Variants in LRRK2 observed in about 807,000 individuals in gnomAD.
LRRK2 encodes the protein leucine rich repeat kinase 2.
In LRRK2, 203 loss-of-function variants were observed where a neutral mutation model predicts 302.6. The observed-to-expected ratio is 0.67, with a 90% confidence interval of 0.60 to 0.75. The LOEUF (loss-of-function observed/expected upper bound fraction) is 0.75, where lower values mean the gene tolerates loss of function less well. Among genes scored for constraint, LRRK2 ranks in the 30% least tolerant of loss-of-function variants. The pLI is 0.00. For missense variants in LRRK2, 2,830 were observed against 2,951.0 expected (o/e 0.96, Z 0.95); for synonymous variants, 1,066 against 1,031.9 (o/e 1.03, Z -0.63).
chr12:40,321,246 A>C lies in LRRK2; in HGVS notation c.5170+58A>C, dbSNP rs1945392138. The C allele has an allele frequency of 2.7e-6, 4 of 1,507,986 alleles. No homozygotes were observed. The East Asian group carries it at 9.2e-5, about 35-fold the overall frequency. The allele number at this position is 1,507,986 out of a possible 1,614,324, so 93.4% of individuals were successfully genotyped here. On this transcript the variant is annotated intron_variant, in intron 35 of 50. Coordinates refer to ENST00000298910, the MANE Select transcript of LRRK2 (RefSeq NM_198578.4). ...AGAGACTATTAATTTAGACTTATTA[A>C]TTTTTAGAGAAATTAGGGAGATGGC...
intron 14 of LRRK2, among the ~76,000 whole-genome samples, chr12:40,273,229 G>A (rs1363016101): frequency 1.3e-5 from 2 of 152,104 alleles, no homozygotes; most frequent in Admixed American, 1.3e-4. Flanking sequence ...GTCTAACTGA[G>A]TAATTGTTAC....
intron 3 of LRRK2, among the ~76,000 whole-genome samples, chr12:40,234,432 G>A (rs1218166063): frequency 7.9e-6 from 1 of 127,278 alleles, no homozygotes; most frequent in Non-Finnish European, 1.6e-5. Flanking sequence ...AGGCTGGCGT[G>A]CAGTGGCGTG....
At position 40,351,676 on chromosome 12, in the gene LRRK2, C is replaced by G; in HGVS notation, c.6519C>G (p.His2173Gln). Residue 2173 changes from histidine (H) to glutamine (Q), a missense_variant, in exon 44 of 51, where the codon CAC becomes CAG. By Grantham distance (24) the His-to-Gln change is conservative (BLOSUM62 0). Around this residue, in one of 3 missense-constraint regions of LRRK2, gnomAD observed 456 missense variants for 456.3 expected, o/e 1.00. Coordinates refer to ENST00000298910, the MANE Select transcript of LRRK2 (RefSeq NM_198578.4). ...RNASIWLGCG[H>Q]TDRGQLSFLD... ...CAAGCATTTGGCTGGGCTGTGGGCA[C>G]ACCGACAGAGGACAGCTCTCATTTC... 1.2e-6 allele frequency: 2 copies of G among 1,614,174 alleles called. No homozygotes were observed. The highest frequency in any genetic ancestry group is 1.7e-6 in the Non-Finnish European group (2 of 1,180,036).
chr12:40,289,509 A>G (rs1257703571), intron 20 of LRRK2, among the ~76,000 whole-genome samples: 1 of 149,244 alleles, frequency 6.7e-6, no homozygotes, highest in African/African-American at 2.4e-5. Flanking sequence ...ATTACCTATG[A>G]TTTTAATGTA....
At chr12:40,361,335 C>G (rs1348406013) in intron 47 of LRRK2, among the ~76,000 whole-genome samples, 1 of 151,948 alleles carries the variant, frequency 6.6e-6, no homozygotes, top group African/African-American at 2.4e-5. Context: ...GTAAAAATGT[C>G]TTTTATTATT....
At chr12:40,302,624 T>C (rs561757460) in intron 25 of LRRK2, among the ~76,000 whole-genome samples, 165 bp from the exon 26 acceptor site, 6 of 152,284 alleles carry the variant, frequency 3.9e-5, no homozygotes, top group Admixed American at 3.3e-4. Flanking sequence ...TTAGTGGAAG[T>C]ATTAAGGCTA....
intron 2 of LRRK2, among the ~76,000 whole-genome samples, chr12:40,231,929 G>A (rs1383410446): frequency 6.6e-6 from 1 of 151,480 alleles, no homozygotes; most frequent in East Asian, 1.9e-4. Context: ...TCAGCCTCCC[G>A]AGTAGCTGAG....
In LRRK2 at chr12:40,363,672, GA is replaced by G. The variant is rs978892578; in HGVS notation, c.7181+125del. 2.6e-5 allele frequency: 30 copies of G among 1,173,978 alleles called. No homozygotes were observed. In the African/African-American group the frequency reaches 4.2e-4, roughly 16 times the overall value. The allele number at this position is 1,173,978 out of a possible 1,614,324, so 72.7% of individuals were successfully genotyped here. Reference sequence around the variant, plus strand: ...GAATAGAGAATTTTTTTAAAATGCAGAAAAAAATTTGTAATGCTTCTCAGCA... The same window carrying G: ...GAATAGAGAATTTTTTTAAAATGCAGAAAAAATTTGTAATGCTTCTCAGCA... On this transcript the variant is annotated intron_variant, in intron 48 of 50. Transcript: ENST00000298910.
In LRRK2 at chr12:40,354,315, G is replaced by A; in HGVS notation, c.6593G>A (p.Arg2198Lys). Residue 2198 changes from arginine (R) to lysine (K), a missense_variant, in exon 45 of 51, where the codon AGA becomes AAA. Transcript: ENST00000298910. ...GYTSEEVADS[R>K]ILCLALVHLP... ...TCTTAACAGGAAGTTGCTGATAGTA[G>A]AATATTGTGCTTAGCCTTGGTGCAT... is the stretch of plus-strand genomic sequence containing the variant. The A allele has an allele frequency of 1.9e-6, 3 of 1,614,050 alleles. No individual in the cohort carries two copies. The highest frequency in any genetic ancestry group is 1.7e-6 in the Non-Finnish European group (2 of 1,179,960).
intron 20 of LRRK2, 147 bp from the exon 21 acceptor site, chr12:40,293,398 T>C: frequency 3.5e-6 from 2 of 573,484 alleles, no homozygotes; most frequent in East Asian, 3.1e-5. Flanking sequence ...ATCTCTATTT[T>C]AAAGATTTTA....
chr12:40,351,534 C>G lies in LRRK2; in HGVS notation c.6382-5C>G, dbSNP rs780418597. 6.2e-7 allele frequency: 1 copy of G among 1,613,906 alleles called. No homozygotes were observed. The highest frequency in any genetic ancestry group is 8.5e-7 in the Non-Finnish European group (1 of 1,179,856). ...TACTGTTTTGTTATCTTTAAACTTT[C>G]TCAGGTCTTTGACATTTTGAATTCA... On this transcript the variant is annotated splice_polypyrimidine_tract_variant and splice_region_variant and intron_variant, in intron 43 of 50. Transcript: ENST00000298910.
At chr12:40,295,333 A>G in intron 22 of LRRK2, 94 bp from the exon 23 acceptor site, 1 of 1,171,562 alleles carries the variant, frequency 8.5e-7, no homozygotes, top group East Asian at 2.4e-5. Context: ...GCCTTGAAGA[A>G]AGCCTGATTG....
intron 6 of LRRK2, among the ~76,000 whole-genome samples, chr12:40,242,003 A>G (rs1941744348): frequency 6.6e-6 from 1 of 152,036 alleles, no homozygotes; most frequent in African/African-American, 2.4e-5. Flanking sequence ...TTATTCATTT[A>G]TTTATTTATT....
intron 9 of LRRK2, 37 bp from the exon 10 acceptor site, chr12:40,251,428 A>T: frequency 6.2e-7 from 1 of 1,611,922 alleles, no homozygotes; most frequent in Non-Finnish European, 8.5e-7. Flanking sequence ...CCAGTCATTT[A>T]TATTTTGACA....
chr12:40,234,052 A>C (rs1941321114), intron 3 of LRRK2, among the ~76,000 whole-genome samples: 1 of 152,218 alleles, frequency 6.6e-6, no homozygotes, highest in Admixed American at 6.5e-5. Context: ...GTACTGAAGA[A>C]AAATTTCTTC....
chr12:40,284,806 T>C (rs1168337501), intron 19 of LRRK2, among the ~76,000 whole-genome samples: 1 of 152,144 alleles, frequency 6.6e-6, no homozygotes, highest in Non-Finnish European at 1.5e-5. Flanking sequence ...TCCTTCCCCA[T>C]GGTCATCAAA....
intron 7 of LRRK2, among the ~76,000 whole-genome samples, chr12:40,249,284 T>A (rs1942149599): frequency 6.6e-6 from 1 of 152,042 alleles, no homozygotes; most frequent in South Asian, 2.1e-4. Flanking sequence ...GGTATGGGAC[T>A]TCTTCCTGGG....
intron 37 of LRRK2, 78 bp from the exon 38 acceptor site, chr12:40,323,082 T>G: frequency 8.2e-7 from 1 of 1,212,168 alleles, no homozygotes; most frequent in African/African-American, 1.5e-5. Flanking sequence ...ATTCCATTAT[T>G]TTTTCACATC....
intron 7 of LRRK2, among the ~76,000 whole-genome samples, chr12:40,247,128 T>C (rs1012194248): frequency 6.6e-6 from 1 of 152,138 alleles, no homozygotes; most frequent in Admixed American, 6.6e-5. Context: ...AAAAACTAAT[T>C]GACATGTCTC....
Sources: gnomAD v4.1 joint callset for allele counts (sites outside exome capture counted in the v4.1 genomes callset) on GRCh38, gnomAD v4.1.1 for gene constraint, gnomAD v4.1.1 regional missense constraint, MANE v1.5 for transcripts, NCBI Gene and HGNC (gene_info 2026-07-23, HGNC 2026-07-21) for gene names.